NLRC5: variants seen among roughly 807,000 people sequenced by gnomAD.
NLRC5 encodes NLR family CARD domain containing 5.
NLRC5 carries 114 observed loss-of-function variants against 206.9 expected under a neutral mutation model. That is an observed-to-expected ratio of 0.55 (90% confidence interval 0.47 to 0.64). The LOEUF (loss-of-function observed/expected upper bound fraction) is 0.64. Among genes scored for constraint, NLRC5 ranks in the 30% least tolerant of loss-of-function variants. The pLI, the probability that NLRC5 is intolerant of heterozygous loss-of-function variation, is 0.00. For missense variants in NLRC5, 2,008 were observed against 2,305.5 expected (o/e 0.87, Z 2.64); for synonymous variants, 952 against 962.8 (o/e 0.99, Z 0.21).
rs537688607 is a variant in NLRC5, at chr16:57,065,431, G to A, written c.4241+133G>A. ...GTTTTCCATGTCCCCAGGGTAGCAG[G>A]AGCTCCTGGGGCATATGTGAGGGGC... is the stretch of plus-strand genomic sequence containing the variant. On this transcript the variant is annotated intron_variant, in intron 33 of 48. Coordinates refer to ENST00000688547, the MANE Select transcript of NLRC5 (RefSeq NM_001384950.1). The A allele has an allele frequency of 1.1e-4, 54 of 513,482 alleles. No homozygotes were observed. The South Asian group carries it at 1.2e-3, about 11-fold the overall frequency. The allele number at this position is 513,482 out of a possible 1,614,324, so 31.8% of individuals were successfully genotyped here. A position where few individuals can be genotyped will look rare whatever the true frequency, so the allele number is the denominator to read the frequency against.
intron 43 of NLRC5, among the ~76,000 whole-genome samples, chr16:57,078,466 GTTTT>G (rs71383218): frequency 0.053 from 4,915 of 92,052 alleles, 122 homozygotes; most frequent in East Asian, 0.18. Flanking sequence ...CTGGGACCTT[GTTTT>G]TTTTTTTTTT....
rs139624147 is a variant in NLRC5 at position 57,062,610 on chromosome 16, G to A, written c.4154+909G>A. The A allele has an allele frequency of 1.8e-4, 28 of 155,488 alleles. No individual in the cohort carries two copies. In the East Asian group the frequency reaches 4.6e-3, roughly 25 times the overall value. 9.6% of individuals were successfully genotyped at this position (155,488 alleles called of 1,614,324 possible). ...ACCCCGACTTTCCTGGAAACTGGAC[G>A]TTAGATCAAAAGGCTCCATGACATT... is the stretch of plus-strand genomic sequence containing the variant. On this transcript the variant is annotated intron_variant, in intron 32 of 48. Transcript: ENST00000688547.
At chr16:56,993,757 A>G (rs1341798119) in intron 1 of NLRC5, among the ~76,000 whole-genome samples, 1 of 151,864 alleles carries the variant, frequency 6.6e-6, no homozygotes, top group East Asian at 1.9e-4. Flanking sequence ...CCACTTTTTT[A>G]TTGGCTTTTG....
chr16:57,052,014 G>C (rs113966340), intron 24 of NLRC5, among the ~76,000 whole-genome samples: 1 of 152,138 alleles, frequency 6.6e-6, no homozygotes, highest in African/African-American at 2.4e-5. Flanking sequence ...CCCACCCACG[G>C]AGGGTCACCC....
chr16:57,046,096 G>T (rs2063931263), intron 21 of NLRC5, among the ~76,000 whole-genome samples: 1 of 152,260 alleles, frequency 6.6e-6, no homozygotes, highest in African/African-American at 2.4e-5. Flanking sequence ...CTGCCGTACA[G>T]ATGGGCTGTC....
chr16:57,014,165 A>G, intron 1 of NLRC5: 1 of 185,822 alleles, frequency 5.4e-6, no homozygotes, highest in Non-Finnish European at 1.1e-5. Flanking sequence ...AAGGGGAAGT[A>G]AAGACCTTCT....
At chr16:57,039,698 C>G (rs1289419202) in intron 15 of NLRC5, 83 bp from the exon 16 acceptor site, 2 of 1,284,208 alleles carry the variant, frequency 1.6e-6, no homozygotes, top group African/African-American at 2.9e-5. Flanking sequence ...GCTTGGGCAA[C>G]AGACTGAGAC....
chr16:57,049,699 C>T (rs1210174715), intron 23 of NLRC5, among the ~76,000 whole-genome samples: 1 of 151,632 alleles, frequency 6.6e-6, no homozygotes, highest in Non-Finnish European at 1.5e-5. Context: ...GCGCCACTGT[C>T]CTCCAGCCTG....
chr16:56,993,313 CTTTCTT>C (rs2057192995), intron 1 of NLRC5, among the ~76,000 whole-genome samples: 1 of 151,840 alleles, frequency 6.6e-6, no homozygotes, highest in African/African-American at 2.4e-5. Flanking sequence ...CCCTTTCCCT[CTTTCTT>C]TTTAACAGCT....
chr16:57,041,934 C>G, intron 18 of NLRC5, 48 bp from the exon 19 acceptor site: 1 of 1,311,868 alleles, frequency 7.6e-7, no homozygotes, highest in Non-Finnish European at 1.0e-6. Flanking sequence ...TGCCAGCAAC[C>G]CACTCCCCAC....
chr16:57,026,310 C>A lies in NLRC5; in HGVS notation c.1367C>A (p.Ser456Tyr), dbSNP rs267604583. 74 of 1,614,022 alleles carry A rather than the reference C, an allele frequency of 4.6e-5. No individual in the cohort carries two copies. In the South Asian group the frequency reaches 7.5e-4, roughly 16 times the overall value. The change falls in exon 6 of 49, where the codon TCC becomes TAC. Residue 456 changes from serine to tyrosine, a missense_variant. Ser to Tyr is a moderately radical substitution (Grantham distance 144, BLOSUM62 -2). Transcript: ENST00000688547. ...LSPPGHLPTS[S>Y]LLDLGEVALR... is the part of the protein sequence containing the mutation. Reference sequence around the variant, plus strand: ...CCCCCTGGGCACTTGCCCACCTCGTCCCTACTGGACCTGGGGGAGGTGGCC... The same window carrying A: ...CCCCCTGGGCACTTGCCCACCTCGTACCTACTGGACCTGGGGGAGGTGGCC...
chr16:57,081,237 A>G, intron 47 of NLRC5, 56 bp downstream of exon 47: 1 of 1,494,382 alleles, frequency 6.7e-7, no homozygotes, highest in Non-Finnish European at 9.0e-7. Flanking sequence ...ACATCCCGGG[A>G]ACACCAAGAG....
chr16:57,038,939 T>TAAAAA (rs574142317), intron 15 of NLRC5, among the ~76,000 whole-genome samples: 2 of 108,272 alleles, frequency 1.8e-5, no homozygotes. Context: ...TGTCTCAAAT[T>TAAAAA]AAAAAAAAAA....
intron 8 of NLRC5, among the ~76,000 whole-genome samples, chr16:57,029,088 A>G (rs188304815): frequency 1.1e-4 from 16 of 152,320 alleles, no homozygotes; most frequent in Non-Finnish European, 1.9e-4. Flanking sequence ...GAGTGAAAAT[A>G]ATAAGTTGGA....
In NLRC5 at chr16:57,026,186, T is replaced by C. The variant is rs1440948206; in HGVS notation, c.1243T>C (p.Cys415Arg). 6.2e-7 allele frequency: 1 copy of C among 1,613,826 alleles called. No homozygotes were observed. Among genetic ancestry groups the C allele is most frequent in the Admixed American group, 1.7e-5 (1 of 60,030 alleles). ...VPALCQVACL[C>R]LHHLLPDHAP... The stretch of plus-strand genomic sequence containing the variant: ...CGCACTGTGCCAAGTCGCCTGTCTC[T>C]GCCTCCACCATCTGCTTCCTGACCA... Residue 415 changes from cysteine to arginine, a missense_variant, in exon 6 of 49, where the codon TGC (cysteine) becomes CGC (arginine). By Grantham distance (180) the Cys-to-Arg change is radical. Transcript: ENST00000688547.
intron 11 of NLRC5, among the ~76,000 whole-genome samples, 188 bp from the exon 12 acceptor site, chr16:57,033,416 C>G (rs1296919765): frequency 6.6e-6 from 1 of 152,224 alleles, no homozygotes; most frequent in African/African-American, 2.4e-5. Context: ...TTCCATTTGA[C>G]CTCAAACCTG....
intron 2 of NLRC5, among the ~76,000 whole-genome samples, chr16:57,019,346 G>T (rs1176224287): frequency 1.3e-5 from 2 of 152,084 alleles, no homozygotes; most frequent in African/African-American, 4.8e-5. Context: ...GCAGTGAGCC[G>T]AGATTGCACC....
chr16:57,059,333 GT>G (rs2066104206), intron 29 of NLRC5, 133 bp from the exon 30 acceptor site: 1 of 1,481,726 alleles, frequency 6.7e-7, no homozygotes, highest in Non-Finnish European at 9.0e-7. Flanking sequence ...GTCTCCTCTG[GT>G]TCTGAGGCCT....
intron 26 of NLRC5, 95 bp downstream of exon 26, chr16:57,055,189 C>G: frequency 7.7e-7 from 1 of 1,296,786 alleles, no homozygotes; most frequent in Non-Finnish European, 1.1e-6. Context: ...AGACTGCCTA[C>G]CACAAAACAT....
Sources: gnomAD v4.1 joint callset for allele counts (sites outside exome capture counted in the v4.1 genomes callset) on GRCh38, gnomAD v4.1.1 for gene constraint, MANE v1.5 for transcripts, NCBI Gene and HGNC (gene_info 2026-07-23, HGNC 2026-07-21) for gene names.